The following SMAD2 variants were observed in gnomAD, a reference collection of about 807,000 sequenced individuals.
The protein encoded by SMAD2 is SMAD family member 2, also known as MAD homolog 2.
A neutral mutation model predicts 64.4 loss-of-function variants in SMAD2; 8 were observed. The ratio of observed to expected loss-of-function variants is 0.12; its 90% CI spans 0.07 to 0.22. The LOEUF (loss-of-function observed/expected upper bound fraction) is 0.22, where lower values mean the gene tolerates loss of function less well. Among genes scored for constraint, SMAD2 ranks in the 10% least tolerant of loss-of-function variants. The probability of loss-of-function intolerance (pLI) is 1.00; values close to 1 mark genes in which losing one functional copy is unlikely to be tolerated. For synonymous variants in SMAD2, 203 were observed against 195.8 expected, an observed-to-expected ratio of 1.04 and a Z score of -0.31; for missense variants, 289 against 561.2, an observed-to-expected ratio of 0.51 and a Z score of 4.90.
intron 6 of SMAD2, chr18:47,853,405 C>T (rs1941132913): frequency 7.6e-6 from 1 of 130,760 alleles, no homozygotes; most frequent in South Asian, 6.6e-4. Flanking sequence ...GAGTACTACT[C>T]GATTGTCAAA....
chr18:47,837,910 TTG>T lies in SMAD2; in HGVS notation c.*3915_*3916del, dbSNP rs1189967755. The T allele has an allele frequency of 4.3e-6, 1 of 232,678 alleles. No homozygotes were observed. The highest frequency in any genetic ancestry group is 5.6e-5 in the Admixed American group (1 of 17,770). 14.4% of individuals were successfully genotyped at this position (232,678 alleles called of 1,614,324 possible). A position where few individuals can be genotyped will look rare whatever the true frequency, so the allele number is the denominator to read the frequency against. ...TATTTTATGTACAGTGAAGATTGTC[TTG>T]TGTTACTTTATATCCCAACATAAAC... On this transcript the variant is annotated 3_prime_UTR_variant, in exon 11 of 11. Coordinates refer to ENST00000262160, the MANE Select transcript of SMAD2 (RefSeq NM_005901.6).
At chr18:47,878,112 A>G (rs546166367) in intron 2 of SMAD2, among the ~76,000 whole-genome samples, 10 of 152,300 alleles carry the variant, frequency 6.6e-5, no homozygotes, top group Admixed American at 6.5e-4. Flanking sequence ...TCAAATCAGA[A>G]CAGAGCATGT....
intron 2 of SMAD2, among the ~76,000 whole-genome samples, chr18:47,877,774 T>C (rs1431922261): frequency 6.6e-6 from 1 of 152,108 alleles, no homozygotes; most frequent in Non-Finnish European, 1.5e-5. Flanking sequence ...GTTGCTGCAT[T>C]ACAGATGCAA....
rs534343853 is a variant in SMAD2, at chr18:47,888,457, G to A, written c.236+8064C>T. ...ACGCTTATCAGATCTTAAAGCTGAGGCTAAAGAGCTCATACTTTCAAAGTC... is the reference window on the plus strand; with the variant it reads ...ACGCTTATCAGATCTTAAAGCTGAGACTAAAGAGCTCATACTTTCAAAGTC... On this transcript the variant is annotated intron_variant, in intron 2 of 10. Transcript: ENST00000262160. Among the ~76,000 whole-genome samples the A allele has an allele frequency of 7.9e-5, 12 of 152,330 alleles. 1 individual carries two copies. In the South Asian group the frequency reaches 2.3e-3, roughly 29 times the overall value.
chr18:47,921,968 AG>A (rs2034579149), intron 1 of SMAD2, among the ~76,000 whole-genome samples: 1 of 152,248 alleles, frequency 6.6e-6, no homozygotes, highest in Non-Finnish European at 1.5e-5. Context: ...CACTGAAGAA[AG>A]TATGATCACT....
intron 1 of SMAD2, among the ~76,000 whole-genome samples, chr18:47,912,874 A>AAG (rs1249712316): frequency 2.7e-5 from 4 of 150,164 alleles, no homozygotes; most frequent in Admixed American, 2.6e-4. Flanking sequence ...AAAAAAAAAA[A>AAG]AAAAAAGGGA....
At position 47,851,334 on chromosome 18, in the gene SMAD2, C is replaced by T. The variant is rs780446845; in HGVS notation, c.731-7G>A. ...GATAGTTCTGCTGGAGAGCCTAAAA[C>T]AAAAGGATTTAAAAATAAATGAAGT... is the stretch of plus-strand genomic sequence containing the variant. On this transcript the variant is annotated splice_region_variant and splice_polypyrimidine_tract_variant and intron_variant, in intron 6 of 10. Transcript: ENST00000262160. The T allele has an allele frequency of 6.3e-7, 1 of 1,594,938 alleles. No homozygotes were observed. Among genetic ancestry groups the T allele is most frequent in the Non-Finnish European group, 8.6e-7 (1 of 1,163,348 alleles).
At position 47,809,273 on chromosome 18, in the gene SMAD2, CT is replaced by C. The variant is rs1204265235; in HGVS notation, c.*32553del. The C allele has an allele frequency of 6.6e-6, 1 of 152,334 alleles. No individual in the cohort carries two copies. The highest frequency in any genetic ancestry group is 1.5e-5 in the Non-Finnish European group (1 of 68,128). 9.4% of individuals were successfully genotyped at this position (152,334 alleles called of 1,614,324 possible). A position where few individuals can be genotyped will look rare whatever the true frequency, so the allele number is the denominator to read the frequency against. Reference sequence around the variant, plus strand: ...TTCTCTAGTTTCTTCTTTCCCCTTCCTCTTTATTCAGTTCCTTGAAGCATAT... The same window carrying C: ...TTCTCTAGTTTCTTCTTTCCCCTTCCCTTTATTCAGTTCCTTGAAGCATAT... On this transcript the variant is annotated 3_prime_UTR_variant, in exon 11 of 11. Transcript: ENST00000262160.
Position 47,850,729 on chromosome 18 carries a change from T to A in SMAD2, c.784+545A>T, listed in dbSNP as rs55722160. Among the ~76,000 whole-genome samples the A allele has an allele frequency of 2.2e-3, 65 of 29,578 alleles. 9 individuals carry two copies. Among genetic ancestry groups the A allele is most frequent in the African/African-American group, 7.2e-3 (49 of 6,788 alleles). 19.4% of individuals were successfully genotyped at this position (29,578 alleles called of 152,430 possible). A position where few individuals can be genotyped will look rare whatever the true frequency, so the allele number is the denominator to read the frequency against. On this transcript the variant is annotated intron_variant, in intron 7 of 10. Coordinates refer to ENST00000262160, the MANE Select transcript of SMAD2 (RefSeq NM_005901.6). Reference sequence around the variant, plus strand: ...TATACTATATATATATTATATATATTATGTATAATATATATTATATATTAT... The same window carrying A: ...TATACTATATATATATTATATATATAATGTATAATATATATTATATATTAT...
rs980368642 is a variant in SMAD2 at position 47,823,790 on chromosome 18, G to A, written c.*18037C>T. The A allele has an allele frequency of 3.3e-5, 5 of 152,032 alleles. No homozygotes were observed. The highest frequency in any genetic ancestry group is 3.3e-4 in the Admixed American group (5 of 15,258). 9.4% of individuals were successfully genotyped at this position (152,032 alleles called of 1,614,324 possible). ...GGGCTCAAAACCATTATGCAAACTGGGATTGTCACATTACTATTAATTTTG... is the reference window on the plus strand; with the variant it reads ...GGGCTCAAAACCATTATGCAAACTGAGATTGTCACATTACTATTAATTTTG... On this transcript the variant is annotated 3_prime_UTR_variant, in exon 11 of 11. Coordinates refer to ENST00000262160, the MANE Select transcript of SMAD2 (RefSeq NM_005901.6).
Position 47,828,949 on chromosome 18 carries a change from A to AAAG in SMAD2, c.*12877_*12878insCTT, listed in dbSNP as rs1294125694. The AAAG allele has an allele frequency of 6.8e-6, 1 of 146,144 alleles. No individual in the cohort carries two copies. The highest frequency in any genetic ancestry group is 2.2e-4 in the South Asian group (1 of 4,516). 9.1% of individuals were successfully genotyped at this position (146,144 alleles called of 1,614,324 possible). ...TCAATAAATACTAAAAAAAAAAAAA[A>AAAG]AAAAAAAAAAAAAGACTTTAGTTCA... On this transcript the variant is annotated 3_prime_UTR_variant, in exon 11 of 11. Coordinates refer to ENST00000262160, the MANE Select transcript of SMAD2 (RefSeq NM_005901.6).
At chr18:47,897,368 G>C (rs1211561335) in intron 1 of SMAD2, among the ~76,000 whole-genome samples, 1 of 90,174 alleles carries the variant, frequency 1.1e-5, no homozygotes, top group African/African-American at 3.1e-5. Context: ...ACCTGCTCTT[G>C]AGAGAAATTT....
chr18:47,885,162 CACACACACACACACACACACAT>C (rs1429609352), intron 2 of SMAD2, among the ~76,000 whole-genome samples: 1 of 145,568 alleles, frequency 6.9e-6, no homozygotes, highest in African/African-American at 2.7e-5. Flanking sequence ...CACACACACA[CACACACACACACACACACACAT>C]ATACCCTCCC....
rs1912319055 is a variant in SMAD2, at chr18:47,814,926, T to C, written c.*26901A>G. ...CTTGAGACCAAAGGCAATGACAGAG[T>C]TGTGGTCAGGAGCAGGGCATGACAG... On this transcript the variant is annotated 3_prime_UTR_variant, in exon 11 of 11. Transcript: ENST00000262160. 1 of 152,130 alleles carries C rather than the reference T, an allele frequency of 6.6e-6. No individual in the cohort carries two copies. The highest frequency in any genetic ancestry group is 6.6e-5 in the Admixed American group (1 of 15,262). 9.4% of individuals were successfully genotyped at this position (152,130 alleles called of 1,614,324 possible). A position where few individuals can be genotyped will look rare whatever the true frequency, so the allele number is the denominator to read the frequency against.
rs1361470955 is a variant in SMAD2, at chr18:47,826,125, TTTGC to T, written c.*15698_*15701del. 6.6e-6 allele frequency: 1 copy of T among 152,226 alleles called. No individual in the cohort carries two copies. Among genetic ancestry groups the T allele is most frequent in the Admixed American group, 6.5e-5 (1 of 15,290 alleles). 9.4% of individuals were successfully genotyped at this position (152,226 alleles called of 1,614,324 possible). ...AACCTTTAGATAGAAAACACAATCC[TTTGC>T]TTTTGTCTTCCTTATGTATATTAGA... On this transcript the variant is annotated 3_prime_UTR_variant, in exon 11 of 11. Transcript: ENST00000262160.
rs1351731272 is a variant in SMAD2 at position 47,830,014 on chromosome 18, A to G, written c.*11813T>C. ...CAACTTCAAAGCATAGCAAGAATCC[A>G]CAGTGGTTTGCAGGCCACTAATTCT... On this transcript the variant is annotated 3_prime_UTR_variant, in exon 11 of 11. Transcript: ENST00000262160. 1 of 152,232 alleles carries G rather than the reference A, an allele frequency of 6.6e-6. No homozygotes were observed. The highest frequency in any genetic ancestry group is 6.5e-5 in the Admixed American group (1 of 15,280). 9.4% of individuals were successfully genotyped at this position (152,232 alleles called of 1,614,324 possible).
At chr18:47,905,983 G>A (rs116091436) in intron 1 of SMAD2, among the ~76,000 whole-genome samples, 3,420 of 151,992 alleles carry the variant, frequency 0.023, 126 homozygotes, top group African/African-American at 0.078. Flanking sequence ...ATAGCTGGGC[G>A]TGGTGCCTCC....
In SMAD2 at chr18:47,830,566, ACT is replaced by A. The variant is rs1002588562; in HGVS notation, c.*11259_*11260del. ...ACCCCAGCCTGGGCAACAGAGCAAG[ACT>A]CTGTCTCCAAAAAAAAAAAAAAAAA... On this transcript the variant is annotated 3_prime_UTR_variant, in exon 11 of 11. Coordinates refer to ENST00000262160, the MANE Select transcript of SMAD2 (RefSeq NM_005901.6). 2 of 112,302 alleles carry A rather than the reference ACT, an allele frequency of 1.8e-5. No individual in the cohort carries two copies. The highest frequency in any genetic ancestry group is 3.6e-5 in the Non-Finnish European group (2 of 55,110). The allele number at this position is 112,302 out of a possible 1,614,324, so 7.0% of individuals were successfully genotyped here.
intron 6 of SMAD2, among the ~76,000 whole-genome samples, chr18:47,862,142 T>C (rs1303268001): frequency 6.6e-6 from 1 of 152,218 alleles, no homozygotes; most frequent in African/African-American, 2.4e-5. Context: ...GTATTTTCTA[T>C]TTATTTAATC....
Sources: allele counts gnomAD v4.1 joint callset (sites outside exome capture counted in the v4.1 genomes callset), GRCh38; gene constraint gnomAD v4.1.1; transcripts MANE v1.5; gene names NCBI Gene and HGNC (gene_info 2026-07-23, HGNC 2026-07-21).